Variants in NRG1 observed in about 807,000 individuals in gnomAD.
NRG1 encodes neuregulin 1.
A neutral mutation model predicts 63.8 loss-of-function variants in NRG1; 18 were observed. The ratio of observed to expected loss-of-function variants is 0.28; its 90% confidence interval spans 0.19 to 0.42. The LOEUF (loss-of-function observed/expected upper bound fraction) is 0.42, where lower values mean the gene tolerates loss of function less well. NRG1 is among the 10% of genes least tolerant of loss of function. The probability of loss-of-function intolerance (pLI) is 1.00; values close to 1 mark genes in which losing one functional copy is unlikely to be tolerated. For synonymous variants in NRG1, 302 were observed against 301.3 expected, an observed-to-expected ratio of 1.00 and a Z score of -0.02; for missense variants, 762 against 814.7, an observed-to-expected ratio of 0.94 and a Z score of 0.79.
At chr8:32,654,197 T>G (rs1855772858) in intron 5 of NRG1, among the ~76,000 whole-genome samples, 1 of 152,226 alleles carries the variant, frequency 6.6e-6, no homozygotes, top group African/African-American at 2.4e-5. Context: ...CTTGCTTTTC[T>G]TCTCAAAACT....
chr8:32,105,713 A>G (rs929165044), intron 1 of NRG1, among the ~76,000 whole-genome samples: 1 of 152,192 alleles, frequency 6.6e-6, no homozygotes, highest in Non-Finnish European at 1.5e-5. Flanking sequence ...AGGCTTATAA[A>G]TATTGTCTGG....
At chr8:32,297,765 A>G (rs1855067036) in intron 1 of NRG1, among the ~76,000 whole-genome samples, 2 of 152,246 alleles carry the variant, frequency 1.3e-5, no homozygotes, top group South Asian at 4.1e-4. Flanking sequence ...AGTGGAAGAG[A>G]GCATCCAAAG....
At chr8:32,177,449 G>A (rs1313965265) in intron 1 of NRG1, among the ~76,000 whole-genome samples, 1 of 151,952 alleles carries the variant, frequency 6.6e-6, no homozygotes, top group Non-Finnish European at 1.5e-5. Flanking sequence ...TGCATGTTGT[G>A]TACATGTACC....
At chr8:31,971,711 G>GT (rs1213929489) in intron 1 of NRG1, among the ~76,000 whole-genome samples, 1 of 151,526 alleles carries the variant, frequency 6.6e-6, no homozygotes, top group Non-Finnish European at 1.5e-5. Context: ...TGATTAAATT[G>GT]TTTAAAAAAA....
At chr8:31,868,669 C>T (rs1829208444) in intron 1 of NRG1, among the ~76,000 whole-genome samples, 2 of 152,210 alleles carry the variant, frequency 1.3e-5, no homozygotes, top group African/African-American at 4.8e-5. Flanking sequence ...CACTCTTTCA[C>T]CACTGCCAGC....
chr8:32,190,640 T>A (rs1994061), intron 1 of NRG1, among the ~76,000 whole-genome samples: 152,199 of 152,326 alleles, frequency 1, 76,036 homozygotes, highest in Middle Eastern at 1. Context: ...ATGAGTACAG[T>A]CATTTATTAT....
intron 1 of NRG1, among the ~76,000 whole-genome samples, chr8:32,321,148 T>C (rs1037881716): frequency 1.3e-5 from 2 of 152,160 alleles, no homozygotes; most frequent in African/African-American, 4.8e-5. Flanking sequence ...CCGTGAGATA[T>C]AGTATCAATT....
chr8:32,764,448 T>G, exon 12 of NRG1: 1 of 1,379,406 alleles, frequency 7.2e-7, no homozygotes, highest in South Asian at 1.5e-5. Flanking sequence ...TTATTTTATA[T>G]AATAAAGTAT....
Position 31,680,269 on chromosome 8 carries a change from C to T in NRG1, c.37+40838C>T, listed in dbSNP as rs554548417. On this transcript the variant is annotated intron_variant, in intron 1 of 10. Coordinates refer to the NRG1 transcript ENST00000519301. ...ACTCGTCATCTAGCATTAGGTATAT[C>T]TCCCAATGCTATCCCTCTCCCCTCC... Among the ~76,000 whole-genome samples the T allele has an allele frequency of 8.8e-4, 133 of 150,914 alleles. 2 individuals are homozygous for T. The Middle Eastern group carries it at 0.014, about 15-fold the overall frequency.
At chr8:31,959,071 A>T (rs1310103245) in intron 1 of NRG1, among the ~76,000 whole-genome samples, 1 of 152,204 alleles carries the variant, frequency 6.6e-6, no homozygotes, top group African/African-American at 2.4e-5. Flanking sequence ...ATGATGAGGA[A>T]AAAATGAAAG....
At chr8:32,080,591 GA>G (rs1176391861) in intron 1 of NRG1, among the ~76,000 whole-genome samples, 2 of 152,146 alleles carry the variant, frequency 1.3e-5, no homozygotes, top group African/African-American at 4.8e-5. Flanking sequence ...TCCACTCTCA[GA>G]GCTTCCAACT....
intron 1 of NRG1, among the ~76,000 whole-genome samples, chr8:32,191,553 C>T (rs1217515778): frequency 6.6e-5 from 10 of 152,152 alleles, no homozygotes; most frequent in South Asian, 4.1e-4. Flanking sequence ...GCTTTTTTGC[C>T]GTAAGAGAAA....
chr8:32,204,105 G>T (rs1843773151), intron 1 of NRG1, among the ~76,000 whole-genome samples: 1 of 152,156 alleles, frequency 6.6e-6, no homozygotes, highest in Non-Finnish European at 1.5e-5. Flanking sequence ...TCAAAGGAGA[G>T]AATGGGTATG....
intron 1 of NRG1, among the ~76,000 whole-genome samples, chr8:31,773,221 G>T (rs1183353933): frequency 6.6e-6 from 1 of 152,210 alleles, no homozygotes; most frequent in African/African-American, 2.4e-5. Flanking sequence ...GGCACTGTCA[G>T]CATGGCTCAG....
intron 1 of NRG1, among the ~76,000 whole-genome samples, chr8:31,674,372 T>A (rs769250308): frequency 6.6e-6 from 1 of 152,220 alleles, no homozygotes; most frequent in African/African-American, 2.4e-5. Context: ...AGGGTTTCAC[T>A]TTCTCTACAT....
intron 2 of NRG1, among the ~76,000 whole-genome samples, chr8:32,596,324 G>A (rs1221034572): frequency 6.6e-6 from 1 of 152,014 alleles, no homozygotes; most frequent in African/African-American, 2.4e-5. Flanking sequence ...CAATTTCTTG[G>A]CCGGGATGGT....
intron 1 of NRG1, among the ~76,000 whole-genome samples, chr8:31,906,110 C>A (rs1832498607): frequency 6.6e-6 from 1 of 152,124 alleles, no homozygotes. Flanking sequence ...ATGGAATGAC[C>A]CCAACTCAAG....
chr8:32,217,439 C>T (rs1845365585), intron 1 of NRG1, among the ~76,000 whole-genome samples: 1 of 152,040 alleles, frequency 6.6e-6, no homozygotes, highest in Admixed American at 6.6e-5. Context: ...GCCAATTTCT[C>T]TAAGCCAAGA....
chr8:32,622,644 C>A (rs1014979222), intron 5 of NRG1, among the ~76,000 whole-genome samples: 8 of 152,202 alleles, frequency 5.3e-5, no homozygotes, highest in Non-Finnish European at 1.0e-4. Flanking sequence ...ATTCACCCAT[C>A]TCAGCCTACC....
Sources: allele counts gnomAD v4.1 joint callset (sites outside exome capture counted in the v4.1 genomes callset), GRCh38; gene constraint gnomAD v4.1.1; transcripts MANE v1.5; gene names NCBI Gene and HGNC (gene_info 2026-07-23, HGNC 2026-07-21).